Variants in FMO4 observed in about 807,000 individuals in gnomAD.
The protein encoded by FMO4 is flavin containing dimethylaniline monoxygenase 4, also known as dimethylaniline monooxygenase [N-oxide-forming] 4.
Under a neutral mutation model 43.3 loss-of-function variants are expected in FMO4, and 38 were observed. The ratio of observed to expected loss-of-function variants is 0.88; its 90% confidence interval spans 0.68 to 1.15. FMO4 has a LOEUF of 1.15. FMO4 is among the 50% of genes most tolerant of loss of function. The pLI is 0.00. For synonymous variants in FMO4, 224 were observed against 232.2 expected, an observed-to-expected ratio of 0.96 and a Z score of 0.32; for missense variants, 631 against 663.3, an observed-to-expected ratio of 0.95 and a Z score of 0.54.
chr1:171,320,112 T>G (rs1158781634), intron 3 of FMO4, among the ~76,000 whole-genome samples, 155 bp downstream of exon 3: 1 of 152,202 alleles, frequency 6.6e-6, no homozygotes, highest in African/African-American at 2.4e-5. Context: ...TTAGGCAGGA[T>G]GCAGTCTGAT....
Position 171,334,611 on chromosome 1 carries a change from G to GC in FMO4, c.1030dup (p.Leu344ProfsTer31). The GC allele has an allele frequency of 1.2e-6, 2 of 1,613,272 alleles. No individual in the cohort carries two copies. The highest frequency in any genetic ancestry group is 2.2e-5 in the South Asian group (2 of 91,072). ...CCATTTTTTGAAGAACCTCTTAAAAGCCTCTGTACAAAGAAGATATTTCTA... is the reference window on the plus strand; with the variant it reads ...CCATTTTTTGAAGAACCTCTTAAAAGCCCTCTGTACAAAGAAGATATTTCTA... On this transcript the variant is annotated frameshift_variant, in exon 8 of 10. Coordinates refer to ENST00000367749, the MANE Select transcript of FMO4 (RefSeq NM_002022.3). LOFTEE classifies it high-confidence loss of function.
intron 5 of FMO4, 74 bp from the exon 6 acceptor site, chr1:171,331,566 C>T: frequency 1.4e-6 from 2 of 1,444,534 alleles, no homozygotes. Flanking sequence ...CCTTTTTCCA[C>T]AGACCCTATC....
chr1:171,337,736 C>A (rs1444612872), intron 9 of FMO4, among the ~76,000 whole-genome samples: 1 of 152,168 alleles, frequency 6.6e-6, no homozygotes, highest in Non-Finnish European at 1.5e-5. Context: ...TCAGGCTGCT[C>A]TTTCTCTGTA....
At chr1:171,330,137 T>C (rs1366932550) in intron 5 of FMO4, among the ~76,000 whole-genome samples, 5 of 152,318 alleles carry the variant, frequency 3.3e-5, no homozygotes, top group Non-Finnish European at 5.9e-5. Flanking sequence ...AGGAGGAAAA[T>C]AATATATTCT....
intron 5 of FMO4, among the ~76,000 whole-genome samples, chr1:171,327,461 T>TG (rs2101890839): frequency 6.6e-6 from 1 of 152,306 alleles, no homozygotes; most frequent in South Asian, 2.1e-4. Context: ...TTTGGTTGGT[T>TG]GGTTTTTGTT....
chr1:171,319,227 G>C (rs993363259), intron 2 of FMO4, among the ~76,000 whole-genome samples: 2 of 152,164 alleles, frequency 1.3e-5, no homozygotes, highest in Non-Finnish European at 2.9e-5. Flanking sequence ...GGAGTGGGAA[G>C]ATGATCTTCC....
intron 1 of FMO4, among the ~76,000 whole-genome samples, chr1:171,314,941 C>T (rs561676867): frequency 3.0e-4 from 46 of 152,206 alleles, no homozygotes; most frequent in South Asian, 2.1e-3. Context: ...GGGGTTTTCC[C>T]GTTGTACAAA....
Position 171,323,179 on chromosome 1 carries a change from A to G in FMO4, c.308A>G (p.Tyr103Cys), listed in dbSNP as rs372532398. The change falls in exon 4 of 10, where the codon TAC becomes TGC. Residue 103 changes from tyrosine (Y) to cysteine (C), a missense_variant. Coordinates refer to ENST00000367749, the MANE Select transcript of FMO4 (RefSeq NM_002022.3). Reference sequence around the variant, plus strand: ...GCTGAGCACTTTGACCTCCTGAAATACATTCAGTTTAAGGTAAGATACTTT... The same window carrying G: ...GCTGAGCACTTTGACCTCCTGAAATGCATTCAGTTTAAGGTAAGATACTTT... ...EFAEHFDLLKYIQFKTTVCSI... is the reference protein window; with the variant it reads ...EFAEHFDLLKCIQFKTTVCSI... 19 of 1,612,246 alleles carry G rather than the reference A, an allele frequency of 1.2e-5. No individual in the cohort carries two copies. Among genetic ancestry groups the G allele is most frequent in the Non-Finnish European group, 5.1e-6 (6 of 1,178,632 alleles).
chr1:171,324,069 T>G (rs1224626353), intron 4 of FMO4, 69 bp from the exon 5 acceptor site: 4 of 1,400,726 alleles, frequency 2.9e-6, no homozygotes, highest in Non-Finnish European at 3.8e-6. Flanking sequence ...CAGACATGGT[T>G]ACCACACCAG....
Position 171,319,803 on chromosome 1 carries a change from A to G in FMO4, c.-8-15A>G, listed in dbSNP as rs1209435155. The G allele has an allele frequency of 1.9e-6, 3 of 1,611,486 alleles. No homozygotes were observed. The highest frequency in any genetic ancestry group is 1.1e-5 in the South Asian group (1 of 90,672). ...TTATTAAATAAAGAAGTTCTGCTTG[A>G]CTTTCCTCTAACAGAGCATACCATG... On this transcript the variant is annotated splice_polypyrimidine_tract_variant and intron_variant, in intron 2 of 9. Coordinates refer to ENST00000367749, the MANE Select transcript of FMO4 (RefSeq NM_002022.3).
intron 3 of FMO4, 30 bp from the exon 4 acceptor site, chr1:171,322,974 C>T: frequency 6.4e-7 from 1 of 1,570,712 alleles, no homozygotes; most frequent in Non-Finnish European, 8.8e-7. Context: ...TCTCCATTAT[C>T]CCAACAAGCT....
At chr1:171,326,669 A>C (rs2101889708) in intron 5 of FMO4, among the ~76,000 whole-genome samples, 1 of 152,356 alleles carries the variant, frequency 6.6e-6, no homozygotes, top group Non-Finnish European at 1.5e-5. Flanking sequence ...ATGAGTTATG[A>C]CATCCAGCAT....
At position 171,332,866 on chromosome 1, in the gene FMO4, AG is replaced by A; in HGVS notation, c.786del (p.Arg263AspfsTer9). 2 of 1,582,876 alleles carry A rather than the reference AG, an allele frequency of 1.3e-6. No homozygotes were observed. The highest frequency in any genetic ancestry group is 1.7e-6 in the Non-Finnish European group (2 of 1,151,706). Reference sequence around the variant, plus strand: ...TGGATTCAAGAAAGGAAGTTGAATAAGAGATTTAATCATGAGGATTATGGAT... The same window carrying A: ...TGGATTCAAGAAAGGAAGTTGAATAAAGATTTAATCATGAGGATTATGGAT... ...LNWIQERKLN[K>X]RFNHEDYGLS... is the part of the protein sequence containing the mutation. On this transcript the variant is annotated frameshift_variant, in exon 7 of 10. Transcript: ENST00000367749. LOFTEE classifies it high-confidence loss of function.
At chr1:171,320,733 T>C (rs1662382695) in intron 3 of FMO4, among the ~76,000 whole-genome samples, 2 of 152,060 alleles carry the variant, frequency 1.3e-5, no homozygotes, top group South Asian at 2.1e-4. Context: ...CCCAGCACTT[T>C]GGGAGGCTGA....
chr1:171,339,451 A>G (rs571792410), intron 9 of FMO4, among the ~76,000 whole-genome samples: 5 of 152,308 alleles, frequency 3.3e-5, no homozygotes, highest in Admixed American at 2.6e-4. Context: ...CAATGCCTCC[A>G]TCACGCTACA....
At chr1:171,317,479 G>A (rs1156923467) in intron 2 of FMO4, among the ~76,000 whole-genome samples, 1 of 152,154 alleles carries the variant, frequency 6.6e-6, no homozygotes, top group Non-Finnish European at 1.5e-5. Flanking sequence ...AAGTCTACAT[G>A]ACATATTAAG....
At chr1:171,328,210 T>G (rs1299882146) in intron 5 of FMO4, among the ~76,000 whole-genome samples, 1 of 151,908 alleles carries the variant, frequency 6.6e-6, no homozygotes. Flanking sequence ...CCAGATAATT[T>G]TTTTGTATTT....
At chr1:171,340,408 C>A (rs111790068) in intron 9 of FMO4, among the ~76,000 whole-genome samples, 2 of 152,102 alleles carry the variant, frequency 1.3e-5, no homozygotes, top group African/African-American at 2.4e-5. Context: ...CCCTCTCCCC[C>A]ATTTCAGGAA....
chr1:171,327,634 A>G (rs893979492), intron 5 of FMO4, among the ~76,000 whole-genome samples: 3 of 152,078 alleles, frequency 2.0e-5, no homozygotes, highest in African/African-American at 7.2e-5. Context: ...GTTAATACAG[A>G]CAAGGTGTGG....
Sources: gnomAD v4.1 joint callset for allele counts (sites outside exome capture counted in the v4.1 genomes callset) on GRCh38, gnomAD v4.1.1 for gene constraint, MANE v1.5 for transcripts, NCBI Gene and HGNC (gene_info 2026-07-23, HGNC 2026-07-21) for gene names.